Variants in HEG1 observed in about 807,000 individuals in gnomAD.
The protein encoded by HEG1 is heart development protein with EGF like domains 1, also known as protein HEG homolog 1.
A neutral mutation model predicts 125.6 loss-of-function variants in HEG1; 56 were observed. The observed-to-expected ratio is 0.45, with a 90% CI of 0.36 to 0.56. The LOEUF is 0.56. Ranked by LOEUF, HEG1 falls within the 20% of genes least tolerant of loss-of-function variation. HEG1 has a pLI of 0.00. For synonymous variants in HEG1, 644 were observed against 668.5 expected, an observed-to-expected ratio of 0.96 and a Z score of 0.57; for missense variants, 1,523 against 1,670.0, an observed-to-expected ratio of 0.91 and a Z score of 1.53.
rs185461919 is a variant in HEG1, at chr3:125,010,160, C to T, written c.3073+279G>A. Among the ~76,000 whole-genome samples, 621 of 152,286 alleles carry T rather than the reference C, an allele frequency of 4.1e-3. 3 individuals are homozygous for T. Among genetic ancestry groups the T allele is most frequent in the African/African-American group, 0.014 (596 of 41,546 alleles). ...AGATTAGGGTGGCAGTGGGGGGATT[C>T]CAGCCTGAGGCATCAGCACAGTAAA... is the stretch of plus-strand genomic sequence containing the variant. On this transcript the variant is annotated intron_variant, in intron 7 of 16. Transcript: ENST00000311127.
chr3:125,020,363 C>T (rs2107703844), intron 4 of HEG1, among the ~76,000 whole-genome samples: 1 of 152,296 alleles, frequency 6.6e-6, no homozygotes, highest in Middle Eastern at 3.4e-3. Context: ...GAGGTTGAGG[C>T]TGCAGTGAGC....
intron 1 of HEG1, among the ~76,000 whole-genome samples, chr3:125,044,329 CAG>C (rs1277606044): frequency 6.6e-6 from 1 of 152,018 alleles, no homozygotes; most frequent in Admixed American, 6.5e-5. Context: ...AAAGATAAAA[CAG>C]AGAAAGAGGA....
chr3:125,054,172 T>A (rs939989067), intron 1 of HEG1, among the ~76,000 whole-genome samples: 1 of 152,274 alleles, frequency 6.6e-6, no homozygotes, highest in African/African-American at 2.4e-5. Flanking sequence ...TGTTGTTTTA[T>A]GTTCTTGATT....
rs1313788711 is a variant in HEG1, at chr3:125,027,421, C to T, written c.697G>A (p.Glu233Lys). 3.1e-6 allele frequency: 5 copies of T among 1,614,018 alleles called. No homozygotes were observed. The highest frequency in any genetic ancestry group is 4.2e-6 in the Non-Finnish European group (5 of 1,179,892). ...AFQTKSGTASEMGTERAMGLS... is the reference protein window; with the variant it reads ...AFQTKSGTASKMGTERAMGLS... ...CCCATCGCCCTCTCTGTTCCCATCT[C>T]CGAGGCTGTTCCACTCTTTGTTTGA... is the stretch of plus-strand genomic sequence containing the variant. Residue 233 changes from glutamate to lysine, a missense_variant, in exon 3 of 17, where the codon GAG becomes AAG. Glu to Lys is a moderately conservative substitution (Grantham distance 56). Coordinates refer to ENST00000311127, the MANE Select transcript of HEG1 (RefSeq NM_020733.2).
intron 14 of HEG1, among the ~76,000 whole-genome samples, chr3:124,981,069 C>T (rs1000985154): frequency 6.6e-6 from 1 of 151,488 alleles, no homozygotes; most frequent in African/African-American, 2.4e-5. Context: ...GAACTCCTGG[C>T]CCCAAGTGGT....
At chr3:125,046,226 A>G (rs1253441558) in intron 1 of HEG1, among the ~76,000 whole-genome samples, 1 of 152,090 alleles carries the variant, frequency 6.6e-6, no homozygotes, top group Non-Finnish European at 1.5e-5. Context: ...TACTAGAAAT[A>G]ATTCCTAACA....
chr3:124,984,955 C>T (rs746158759), intron 14 of HEG1, among the ~76,000 whole-genome samples: 13 of 152,202 alleles, frequency 8.5e-5, no homozygotes, highest in African/African-American at 2.6e-4. Flanking sequence ...TATAAAATTA[C>T]GTAAGTGAAA....
intron 12 of HEG1, among the ~76,000 whole-genome samples, chr3:124,993,188 C>T (rs570184125): frequency 5.9e-5 from 9 of 152,328 alleles, no homozygotes; most frequent in South Asian, 2.1e-4. Flanking sequence ...TTTTAGCAAG[C>T]GTGCAGGACC....
intron 14 of HEG1, among the ~76,000 whole-genome samples, chr3:124,979,053 G>T (rs932379605): frequency 2.6e-5 from 4 of 151,696 alleles, no homozygotes; most frequent in Non-Finnish European, 5.9e-5. Flanking sequence ...GGGTTCAAGC[G>T]ATTCTTCTGC....
chr3:125,048,413 T>G (rs1937716607), intron 1 of HEG1, among the ~76,000 whole-genome samples: 1 of 152,222 alleles, frequency 6.6e-6, no homozygotes, highest in Admixed American at 6.5e-5. Context: ...CCTTCCTTCT[T>G]GCCAATCCTG....
chr3:125,021,024 C>T lies in HEG1; in HGVS notation c.1020G>A (p.Pro340=), dbSNP rs752631190. The T allele has an allele frequency of 5.1e-5, 82 of 1,613,230 alleles. No individual in the cohort carries two copies. Among genetic ancestry groups the T allele is most frequent in the Middle Eastern group, 1.6e-4 (1 of 6,082 alleles). Residue 340 remains proline, a synonymous_variant, in exon 4 of 17, where the codon CCG becomes CCA. Coordinates refer to ENST00000311127, the MANE Select transcript of HEG1 (RefSeq NM_020733.2). Reference sequence around the variant, plus strand: ...TGACCGTCAAAGATCGCAGCGTTCTCGGGCCACCATCAGTGAACACGGTGG... The same window carrying T: ...TGACCGTCAAAGATCGCAGCGTTCTTGGGCCACCATCAGTGAACACGGTGG... ...HVATVFTDGG[P]RTLRSLTVSL...
chr3:125,002,087 C>G, intron 10 of HEG1, 75 bp from the exon 11 acceptor site: 1 of 1,569,340 alleles, frequency 6.4e-7, no homozygotes, highest in East Asian at 2.3e-5. Flanking sequence ...AAATGAATGT[C>G]ATCGCCATTC....
intron 14 of HEG1, among the ~76,000 whole-genome samples, chr3:124,978,841 A>ATAAATAAATAAC (rs1936598765): frequency 6.6e-6 from 1 of 150,756 alleles, no homozygotes; most frequent in South Asian, 2.1e-4. Flanking sequence ...AAATAAATAA[A>ATAAATAAATAAC]TAAAAAAGTA....
At position 125,013,046 on chromosome 3, in the gene HEG1, T is replaced by A. The variant is rs1169039958; in HGVS notation, c.2533A>T (p.Thr845Ser). The change falls in exon 6 of 17, where the codon ACC (threonine) becomes TCC (serine). Residue 845 changes from threonine (T) to serine (S), a missense_variant. Transcript: ENST00000311127. ...LAQMSPTFTT[T>S]ILKTSQPLMT... ...AGAGGCTGAGAGGTCTTCAGAATGG[T>A]AGTTGTGAAAGTTGGAGACATTTGT... is the stretch of plus-strand genomic sequence containing the variant. 4 of 1,613,906 alleles carry A rather than the reference T, an allele frequency of 2.5e-6. No homozygotes were observed. In the South Asian group the frequency reaches 4.4e-5, roughly 18 times the overall value.
intron 1 of HEG1, among the ~76,000 whole-genome samples, chr3:125,052,292 T>A (rs974641676): frequency 6.6e-6 from 1 of 152,196 alleles, no homozygotes; most frequent in African/African-American, 2.4e-5. Flanking sequence ...TCTTGCCCGC[T>A]GCACCTTGTA....
In HEG1 at chr3:125,029,198, A is replaced by T. The variant is rs773502661; in HGVS notation, c.607T>A (p.Leu203Ile). Residue 203 changes from leucine (L) to isoleucine (I), a missense_variant, in exon 2 of 17, where the codon TTA (leucine) becomes ATA (isoleucine). Leu to Ile is a conservative substitution (Grantham distance 5). Transcript: ENST00000311127. ...CGCATCATCAGCACAAGCTCACCTA[A>T]GTTGCCACTCTGGGAAGTCAGAGCT... ...ATALTSQSGN[L>I]ASESLHLPSS... The T allele has an allele frequency of 4.3e-5, 70 of 1,611,142 alleles. 1 individual carries two copies. In the South Asian group the frequency reaches 7.4e-4, roughly 17 times the overall value.
At chr3:125,021,521 T>C (rs191986466) in intron 3 of HEG1, among the ~76,000 whole-genome samples, 2 of 152,386 alleles carry the variant, frequency 1.3e-5, no homozygotes, top group Non-Finnish European at 2.9e-5. Flanking sequence ...CAATGTAACC[T>C]TTTTGTTCAA....
rs372895441 is a variant in HEG1 at position 124,978,138 on chromosome 3, TTTGTTG to T, written c.3734-198_3734-193del. ...AGGCTCTCCATATTGAGAAGAGTTT[TTTGTTG>T]TTGTTGTTGTTGTTGTTTTCTGAGA... On this transcript the variant is annotated intron_variant, in intron 14 of 16. Coordinates refer to ENST00000311127, the MANE Select transcript of HEG1 (RefSeq NM_020733.2). 1.0e-3 allele frequency among the ~76,000 whole-genome samples: 159 copies of T among 152,098 alleles called. 1 individual carries two copies. In the East Asian group the frequency reaches 0.013, roughly 12 times the overall value.
intron 1 of HEG1, among the ~76,000 whole-genome samples, chr3:125,054,361 C>A (rs1472973666): frequency 6.6e-6 from 1 of 152,114 alleles, no homozygotes; most frequent in East Asian, 1.9e-4. Flanking sequence ...AGGCATTTTG[C>A]GATAATGGGA....
Sources: allele counts gnomAD v4.1 joint callset (sites outside exome capture counted in the v4.1 genomes callset), GRCh38; gene constraint gnomAD v4.1.1; transcripts MANE v1.5; gene names NCBI Gene and HGNC (gene_info 2026-07-23, HGNC 2026-07-21).